The following STAG2 variants were observed in gnomAD, a reference collection of about 807,000 sequenced individuals.
STAG2 encodes the protein cohesin subunit SA-2.
A neutral mutation model predicts 108.1 loss-of-function variants in STAG2; 14 were observed. The observed-to-expected ratio is 0.13, with a 90% CI of 0.09 to 0.20. The LOEUF is 0.20. Ranked by LOEUF, STAG2 falls within the 10% of genes least tolerant of loss-of-function variation. The pLI is 1.00. For missense variants in STAG2, 440 were observed against 940.9 expected (o/e 0.47, Z 6.96); for synonymous variants, 307 against 302.7 (o/e 1.01, Z -0.15).
chrX:124,017,767 CT>C (rs2056782409), intron 1 of STAG2, among the ~76,000 whole-genome samples: 1 of 111,402 alleles, frequency 9.0e-6, no homozygotes, highest in South Asian at 3.7e-4. Context: ...GTAATCTAAA[CT>C]TTGAGTAACA....
intron 6 of STAG2, among the ~76,000 whole-genome samples, chrX:124,039,137 T>TTA (rs2057613753): frequency 1.1e-5 from 1 of 94,102 alleles, no homozygotes; most frequent in Non-Finnish European, 2.1e-5. Context: ...TCCCCTTTTA[T>TTA]TTATTATTAT....
intron 26 of STAG2, among the ~76,000 whole-genome samples, chrX:124,077,026 T>C (rs1192906018): frequency 9.0e-6 from 1 of 111,488 alleles, no homozygotes; most frequent in African/African-American, 3.3e-5. Context: ...ATATTGTTGA[T>C]TATACTAACA....
chrX:124,013,324 AACAC>A lies in STAG2; in HGVS notation c.-162-8022_-162-8019del, dbSNP rs71886288. ...ATACACATGCACACACACACACACAAACACACACACACACACACACACACGCACA... is the reference window on the plus strand; with the variant it reads ...ATACACATGCACACACACACACACAAACACACACACACACACACACGCACA... On this transcript the variant is annotated intron_variant, in intron 1 of 34. Transcript: ENST00000371145. 7.0e-3 allele frequency among the ~76,000 whole-genome samples: 725 copies of A among 103,542 alleles called. 4 individuals carry two copies. Among genetic ancestry groups the A allele is most frequent in the African/African-American group, 0.021 (594 of 28,441 alleles). 89.9% of individuals were successfully genotyped at this position (103,542 alleles called of 115,157 possible). A position where few individuals can be genotyped will look rare whatever the true frequency, so the allele number is the denominator to read the frequency against.
chrX:124,032,082 A>T (rs989383440), intron 5 of STAG2, among the ~76,000 whole-genome samples: 3 of 111,953 alleles, frequency 2.7e-5, no homozygotes, highest in Middle Eastern at 4.2e-3. Flanking sequence ...TTTGGTCAAA[A>T]ATATGCTGAT....
In STAG2 at chrX:124,056,279, A is replaced by G. The variant is rs750828864; in HGVS notation, c.1304+44A>G. ...TACTCATTTTCTAAGGCATACTTTC[A>G]TAACAGTAATTTGTTATGTTATACT... is the stretch of plus-strand genomic sequence containing the variant. On this transcript the variant is annotated intron_variant, in intron 14 of 34. Transcript: ENST00000371145. 5 of 941,816 alleles carry G rather than the reference A, an allele frequency of 5.3e-6. No homozygotes were observed. In the Admixed American group the frequency reaches 6.8e-5, roughly 13 times the overall value. The allele number at this position is 941,816 out of a possible 1,213,427, so 77.6% of individuals were successfully genotyped here. A position where few individuals can be genotyped will look rare whatever the true frequency, so the allele number is the denominator to read the frequency against.
intron 27 of STAG2, among the ~76,000 whole-genome samples, chrX:124,080,369 A>G (rs1254235838): frequency 9.0e-6 from 1 of 111,220 alleles, no homozygotes; most frequent in Non-Finnish European, 1.9e-5. Flanking sequence ...CTCTGGGTGT[A>G]TACCCAGAAG....
rs4028223 is a variant in STAG2, at chrX:124,039,137, T to TTTATTATTATTATTA, written c.385+1532_385+1546dup. 3.0e-3 allele frequency among the ~76,000 whole-genome samples: 282 copies of TTTATTATTATTATTA among 94,081 alleles called. 2 individuals carry two copies. The highest frequency in any genetic ancestry group is 9.9e-3 in the African/African-American group (261 of 26,397). 81.7% of individuals were successfully genotyped at this position (94,081 alleles called of 115,157 possible). ...TTTAAATCTTAAGTCTCCCCTTTTA[T>TTTATTATTATTATTA]TTATTATTATTATTATTATTATTAT... On this transcript the variant is annotated intron_variant, in intron 6 of 34. Transcript: ENST00000371145.
chrX:123,982,063 G>C (rs2054902729), intron 1 of STAG2, among the ~76,000 whole-genome samples: 1 of 110,365 alleles, frequency 9.1e-6, no homozygotes, highest in Admixed American at 9.7e-5. Flanking sequence ...CAATGCCGCT[G>C]GGTGAGGTGG....
intron 1 of STAG2, among the ~76,000 whole-genome samples, chrX:123,997,860 C>CT (rs2055818586): frequency 8.9e-6 from 1 of 112,291 alleles, no homozygotes; most frequent in Non-Finnish European, 1.9e-5. Context: ...AGGCTGGTCT[C>CT]TAACTCCTAA....
Position 123,982,460 on chromosome X carries a change from C to T in STAG2, c.-163+20604C>T, listed in dbSNP as rs182632296. 3.9e-3 allele frequency among the ~76,000 whole-genome samples: 434 copies of T among 112,017 alleles called. 1 individual carries two copies. The highest frequency in any genetic ancestry group is 0.013 in the African/African-American group (402 of 30,875). On this transcript the variant is annotated intron_variant, in intron 1 of 34. Coordinates refer to ENST00000371145, the MANE Select transcript of STAG2 (RefSeq NM_001042750.2). ...CACGATCTTGGCTCACTGCAACTTT[C>T]GCACCACTGCAACCTCCACCTCCTG...
chrX:123,996,480 A>C (rs1180348098), intron 1 of STAG2, among the ~76,000 whole-genome samples: 1 of 111,932 alleles, frequency 8.9e-6, no homozygotes, highest in African/African-American at 3.2e-5. Flanking sequence ...CCATCACTAC[A>C]ATTAAGATAT....
chrX:124,060,490 A>G (rs949767136), intron 15 of STAG2, among the ~76,000 whole-genome samples: 7 of 112,541 alleles, frequency 6.2e-5, no homozygotes, highest in Admixed American at 5.6e-4. Flanking sequence ...TGAATTGACA[A>G]ACATGCATTT....
chrX:124,068,047 C>A (rs1331887188), intron 23 of STAG2, among the ~76,000 whole-genome samples: 4 of 109,241 alleles, frequency 3.7e-5, no homozygotes, highest in African/African-American at 1.3e-4. Flanking sequence ...AAAAAAAAAA[C>A]CCAATAAAAA....
intron 1 of STAG2, among the ~76,000 whole-genome samples, chrX:123,983,829 G>T (rs2055006968): frequency 9.1e-6 from 1 of 109,536 alleles, no homozygotes; most frequent in Admixed American, 9.8e-5. Flanking sequence ...TAACTTTAGA[G>T]TGGTTAAAGA....
chrX:124,072,421 AAACTT>A (rs373394876), intron 25 of STAG2, among the ~76,000 whole-genome samples: 8 of 111,987 alleles, frequency 7.1e-5, no homozygotes, highest in African/African-American at 1.3e-4. Flanking sequence ...CATGTACTAA[AAACTT>A]AACCTCAACA....
At chrX:123,998,763 A>C (rs1233708413) in intron 1 of STAG2, among the ~76,000 whole-genome samples, 1 of 111,328 alleles carries the variant, frequency 9.0e-6, no homozygotes, top group Non-Finnish European at 1.9e-5. Flanking sequence ...TATAGTTTTA[A>C]ATATTCTTAT....
chrX:123,983,445 T>C (rs752290299), intron 1 of STAG2, among the ~76,000 whole-genome samples: 2 of 111,196 alleles, frequency 1.8e-5, no homozygotes, highest in South Asian at 7.5e-4. Context: ...TTCAAGTGTT[T>C]TGTAAATAGA....
At chrX:124,049,566 C>T (rs2057977408) in intron 10 of STAG2, among the ~76,000 whole-genome samples, 1 of 112,027 alleles carries the variant, frequency 8.9e-6, no homozygotes, top group Non-Finnish European at 1.9e-5. Context: ...TCCACATATC[C>T]TCAACTTGGC....
At position 124,029,011 on chromosome X, in the gene STAG2, A is replaced by ATTTATT. The variant is rs1426991796; in HGVS notation, c.124-1949_124-1948insTTATTT. Among the ~76,000 whole-genome samples the ATTTATT allele has an allele frequency of 3.6e-3, 298 of 82,497 alleles. 1 individual carries two copies. Among genetic ancestry groups the ATTTATT allele is most frequent in the African/African-American group, 6.0e-3 (130 of 21,841 alleles). 71.6% of individuals were successfully genotyped at this position (82,497 alleles called of 115,157 possible). A position where few individuals can be genotyped will look rare whatever the true frequency, so the allele number is the denominator to read the frequency against. ...TATATATATATATATATATATATAT[A>ATTTATT]TATTTATTTATTTATTTATTTTTGA... On this transcript the variant is annotated intron_variant, in intron 4 of 34. Coordinates refer to ENST00000371145, the MANE Select transcript of STAG2 (RefSeq NM_001042750.2).
Sources: gnomAD v4.1 joint callset for allele counts (sites outside exome capture counted in the v4.1 genomes callset) on GRCh38, gnomAD v4.1.1 for gene constraint, MANE v1.5 for transcripts, NCBI Gene and HGNC (gene_info 2026-07-23, HGNC 2026-07-21) for gene names.